The following NEXMIF variants were observed in gnomAD, a reference collection of about 807,000 sequenced individuals.
The protein encoded by NEXMIF is neurite extension and migration factor.
In NEXMIF, 8 loss-of-function variants were observed where a neutral mutation model predicts 62.1. The observed-to-expected ratio is 0.13, with a 90% CI of 0.08 to 0.23. The LOEUF is 0.23. Ranked by LOEUF, NEXMIF falls within the 10% of genes least tolerant of loss-of-function variation. The probability of loss-of-function intolerance (pLI) is 1.00; values close to 1 mark genes in which losing one functional copy is unlikely to be tolerated. For synonymous variants in NEXMIF, 404 were observed against 416.6 expected (o/e 0.97, Z 0.37); for missense variants, 976 against 1,113.3 (o/e 0.88, Z 1.75).
intron 1 of NEXMIF, among the ~76,000 whole-genome samples, chrX:74,754,626 T>C (rs911374124): frequency 2.7e-5 from 3 of 111,285 alleles, no homozygotes; most frequent in Admixed American, 9.6e-5. Context: ...TTCATATATA[T>C]ACATATATAA....
intron 1 of NEXMIF, among the ~76,000 whole-genome samples, chrX:74,846,850 TA>T (rs1384446150): frequency 8.9e-6 from 1 of 112,305 alleles, no homozygotes; most frequent in Non-Finnish European, 1.9e-5. Context: ...GTGTGTCTTA[TA>T]AAGTAATAAG....
At chrX:74,827,578 T>C (rs777186318) in intron 1 of NEXMIF, among the ~76,000 whole-genome samples, 2 of 112,415 alleles carry the variant, frequency 1.8e-5, no homozygotes, top group Admixed American at 9.4e-5. Flanking sequence ...GTACTTAAGA[T>C]AGACTTTCTT....
intron 1 of NEXMIF, among the ~76,000 whole-genome samples, chrX:74,842,609 G>T (rs1363711632): frequency 9.0e-6 from 1 of 111,617 alleles, no homozygotes; most frequent in Non-Finnish European, 1.9e-5. Flanking sequence ...TGGGCATTTA[G>T]TGCTATTAGT....
At chrX:74,875,263 T>G (rs965880798) in intron 1 of NEXMIF, among the ~76,000 whole-genome samples, 3 of 110,750 alleles carry the variant, frequency 2.7e-5, no homozygotes, top group South Asian at 3.8e-4. Flanking sequence ...ATGTGGTTTT[T>G]GTCTTTGGTT....
chrX:74,911,350 G>A (rs1215657366), intron 1 of NEXMIF, among the ~76,000 whole-genome samples: 1 of 111,681 alleles, frequency 9.0e-6, no homozygotes, highest in Non-Finnish European at 1.9e-5. Flanking sequence ...AACCCGGGAA[G>A]TGGAGGTTGC....
intron 1 of NEXMIF, among the ~76,000 whole-genome samples, chrX:74,867,592 T>C (rs552139033): frequency 5.3e-5 from 6 of 112,228 alleles, no homozygotes; most frequent in African/African-American, 1.9e-4. Context: ...GTGCAGAAGA[T>C]AGAAACTGGA....
chrX:74,796,163 T>TATATATATTATATATATAC (rs1470280695), intron 1 of NEXMIF, among the ~76,000 whole-genome samples: 5 of 40,877 alleles, frequency 1.2e-4, no homozygotes, highest in Admixed American at 3.7e-4. Flanking sequence ...ACATATATAT[T>TATATATATTATATATATAC]ATATATATTA....
At chrX:74,857,957 G>A (rs1231235833) in intron 1 of NEXMIF, among the ~76,000 whole-genome samples, 5 of 112,051 alleles carry the variant, frequency 4.5e-5, no homozygotes, top group African/African-American at 1.3e-4. Context: ...AGAGTGGGAA[G>A]AAGAACTGTG....
intron 1 of NEXMIF, among the ~76,000 whole-genome samples, chrX:74,874,585 G>A (rs1398225763): frequency 1.3e-4 from 12 of 94,164 alleles, no homozygotes; most frequent in Non-Finnish European, 2.1e-4. Context: ...ACCTTGGGCA[G>A]TATGGCCATT....
intron 1 of NEXMIF, among the ~76,000 whole-genome samples, chrX:74,783,199 G>C (rs777988108): frequency 1.8e-5 from 2 of 111,155 alleles, no homozygotes; most frequent in East Asian, 2.8e-4. Flanking sequence ...GCTTGGCCTC[G>C]GAGCATGAAT....
intron 1 of NEXMIF, among the ~76,000 whole-genome samples, chrX:74,848,386 T>G (rs2080500682): frequency 8.9e-6 from 1 of 112,536 alleles, no homozygotes; most frequent in African/African-American, 3.2e-5. Context: ...ATGGCTGCTG[T>G]AATAAATTAC....
At chrX:74,791,303 A>T (rs1236358423) in intron 1 of NEXMIF, among the ~76,000 whole-genome samples, 1 of 111,872 alleles carries the variant, frequency 8.9e-6, no homozygotes, top group Non-Finnish European at 1.9e-5. Context: ...ATATTGAACC[A>T]GCCTTGCATC....
In NEXMIF at chrX:74,741,318, G is replaced by A. The variant is rs1212732384; in HGVS notation, c.3239C>T (p.Ser1080Phe). 8.3e-7 allele frequency: 1 copy of A among 1,211,381 alleles called. No individual in the cohort carries two copies. The highest frequency in any genetic ancestry group is 2.2e-5 in the Admixed American group (1 of 45,978). ...EMSPPDTPSL[S>F]PQITRCESMK... ...ACTCTCACATCTGGTAATTTGAGGGGAAAGACTAGGGGTGTCCGGTGGGGA... is the reference window on the plus strand; with the variant it reads ...ACTCTCACATCTGGTAATTTGAGGGAAAAGACTAGGGGTGTCCGGTGGGGA... The change falls in exon 3 of 4, where the codon TCC (serine) becomes TTC (phenylalanine). Residue 1080 changes from serine (S) to phenylalanine (F), a missense_variant. Around this residue, in one of 5 missense-constraint regions of NEXMIF, gnomAD observed 639 missense variants for 694.5 expected, o/e 0.92. Transcript: ENST00000055682.
intron 1 of NEXMIF, among the ~76,000 whole-genome samples, chrX:74,839,561 C>T (rs1389909967): frequency 9.0e-6 from 1 of 111,662 alleles, no homozygotes; most frequent in Non-Finnish European, 1.9e-5. Context: ...CCTCTCTGTC[C>T]TCCCACCCTT....
intron 1 of NEXMIF, among the ~76,000 whole-genome samples, chrX:74,872,958 T>G (rs2080609266): frequency 9.0e-6 from 1 of 110,607 alleles, no homozygotes; most frequent in South Asian, 3.8e-4. Flanking sequence ...TTTTTATTTT[T>G]TTTAAAATTG....
intron 1 of NEXMIF, among the ~76,000 whole-genome samples, chrX:74,780,588 A>T (rs73625823): frequency 0.011 from 1,195 of 108,338 alleles, 20 homozygotes; most frequent in African/African-American, 0.039. Context: ...TGTTGCCCAG[A>T]CTGGTCTCTA....
intron 1 of NEXMIF, among the ~76,000 whole-genome samples, chrX:74,898,598 A>T (rs1010371168): frequency 4.5e-5 from 5 of 111,851 alleles, no homozygotes; most frequent in African/African-American, 1.6e-4. Flanking sequence ...CAAACGTACC[A>T]CACTCTTGGA....
chrX:74,850,519 T>C (rs1388753541), intron 1 of NEXMIF, among the ~76,000 whole-genome samples: 2 of 111,984 alleles, frequency 1.8e-5, no homozygotes, highest in East Asian at 5.6e-4. Flanking sequence ...ATGACATTCC[T>C]ACCTGGCATC....
chrX:74,821,974 C>CAA (rs1212674863), intron 1 of NEXMIF, among the ~76,000 whole-genome samples: 1 of 111,529 alleles, frequency 9.0e-6, no homozygotes, highest in Non-Finnish European at 1.9e-5. Flanking sequence ...AGGTCTGGAA[C>CAA]TCTTTGGCTC....
Sources: allele counts gnomAD v4.1 joint callset (sites outside exome capture counted in the v4.1 genomes callset), GRCh38; gene constraint gnomAD v4.1.1; regional missense constraint gnomAD v4.1.1; transcripts MANE v1.5; gene names NCBI Gene and HGNC (gene_info 2026-07-23, HGNC 2026-07-21).